The following UGT1A10 variants were observed in gnomAD, a reference collection of about 807,000 sequenced individuals.
UGT1A10 encodes the protein UDP-glucuronosyltransferase 1A10.
Under a neutral mutation model 45.8 loss-of-function variants are expected in UGT1A10, and 49 were observed. The ratio of observed to expected loss-of-function variants is 1.07; its 90% CI spans 0.85 to 1.36. The LOEUF (loss-of-function observed/expected upper bound fraction) is 1.36. UGT1A10 is among the 40% of genes most tolerant of loss of function. The pLI is 0.00. For missense variants in UGT1A10, 745 were observed against 668.6 expected (o/e 1.11, Z -1.26); for synonymous variants, 284 against 249.7 (o/e 1.14, Z -1.29).
intron 1 of UGT1A10, among the ~76,000 whole-genome samples, chr2:233,686,494 G>C (rs2074791864): frequency 6.6e-6 from 1 of 152,058 alleles, no homozygotes; most frequent in Non-Finnish European, 1.5e-5. Flanking sequence ...TTTCTGAACA[G>C]GTGAGCCCAG....
At chr2:233,689,976 G>A (rs1450034363) in intron 1 of UGT1A10, 1 of 453,954 alleles carries the variant, frequency 2.2e-6, no homozygotes, top group East Asian at 7.0e-5. Context: ...GAACCCACAG[G>A]CCCCTAAAAG....
At chr2:233,717,863 T>C (rs1490310722) in intron 1 of UGT1A10, 3 of 454,794 alleles carry the variant, frequency 6.6e-6, no homozygotes, top group East Asian at 6.9e-5. Flanking sequence ...TGGTGCTGGA[T>C]TGACTTGGAG....
chr2:233,640,714 G>A (rs2073428528), intron 1 of UGT1A10, among the ~76,000 whole-genome samples: 1 of 152,148 alleles, frequency 6.6e-6, no homozygotes, highest in East Asian at 1.9e-4. Context: ...GGCCAACCCA[G>A]GGATCTAGGT....
At position 233,693,375 on chromosome 2, in the gene UGT1A10, T is replaced by A. The variant is rs372477458; in HGVS notation, c.855+55998T>A. Reference sequence around the variant, plus strand: ...ATGATTGTTATTGGCCTGTACTTCATCAACTGCCAGAGCCTCCTGCAGGAC... The same window carrying A: ...ATGATTGTTATTGGCCTGTACTTCAACAACTGCCAGAGCCTCCTGCAGGAC... On this transcript the variant is annotated intron_variant, in intron 1 of 4. Coordinates refer to ENST00000344644, the MANE Select transcript of UGT1A10 (RefSeq NM_019075.4). 1.2e-4 allele frequency: 199 copies of A among 1,614,066 alleles called. No individual in the cohort carries two copies. Among genetic ancestry groups the A allele is most frequent in the Non-Finnish European group, 1.6e-4 (194 of 1,180,050 alleles).
In UGT1A10 at chr2:233,743,685, T is replaced by C. The variant is rs192235508; in HGVS notation, c.856-23349T>C. The C allele has an allele frequency of 2.3e-3, 3,085 of 1,367,218 alleles. 13 individuals carry two copies. The highest frequency in any genetic ancestry group is 0.017 in the Middle Eastern group (80 of 4,768). The allele number at this position is 1,367,218 out of a possible 1,614,324, so 84.7% of individuals were successfully genotyped here. A position where few individuals can be genotyped will look rare whatever the true frequency, so the allele number is the denominator to read the frequency against. On this transcript the variant is annotated intron_variant, in intron 1 of 4. Coordinates refer to ENST00000344644, the MANE Select transcript of UGT1A10 (RefSeq NM_019075.4). ...GGGTCCTCGAAGGGCCTGCCGCCTG[T>C]GCAGCCGCCCTCCGCCCCCGCCTCG...
chr2:233,649,047 C>T, intron 1 of UGT1A10: 1 of 1,054,292 alleles, frequency 9.5e-7, no homozygotes, highest in South Asian at 2.5e-5. Flanking sequence ...GCTCCTTTAG[C>T]ACATTAAAAG....
Position 233,674,661 on chromosome 2 carries a change from T to A in UGT1A10, c.855+37284T>A, listed in dbSNP as rs186446222. Reference sequence around the variant, plus strand: ...GATTATAAATATCTTTTATGAGATATGAAATAAATGTGTTTATGTGTCTAT... The same window carrying A: ...GATTATAAATATCTTTTATGAGATAAGAAATAAATGTGTTTATGTGTCTAT... On this transcript the variant is annotated intron_variant, in intron 1 of 4. Transcript: ENST00000344644. Among the ~76,000 whole-genome samples the A allele has an allele frequency of 2.6e-5, 4 of 152,304 alleles. No individual in the cohort carries two copies. The East Asian group carries it at 7.7e-4, about 29-fold the overall frequency.
chr2:233,659,025 C>T (rs28969995), intron 1 of UGT1A10, among the ~76,000 whole-genome samples: 1,732 of 152,256 alleles, frequency 0.011, 43 homozygotes, highest in African/African-American at 0.039. Flanking sequence ...AGTTACAGTT[C>T]AACTGGGGAG....
intron 1 of UGT1A10, among the ~76,000 whole-genome samples, chr2:233,649,184 G>A (rs1218690125): frequency 2.0e-5 from 3 of 152,194 alleles, no homozygotes; most frequent in Non-Finnish European, 1.5e-5. Flanking sequence ...TTGTTGGTTA[G>A]CAACTTTTAT....
chr2:233,665,375 C>G (rs1199976046), intron 1 of UGT1A10, among the ~76,000 whole-genome samples: 4 of 152,200 alleles, frequency 2.6e-5, no homozygotes, highest in African/African-American at 9.6e-5. Context: ...ATATTCGTAG[C>G]CTCTGATGAA....
At chr2:233,682,742 A>G (rs774087755) in intron 1 of UGT1A10, 3 of 1,613,950 alleles carry the variant, frequency 1.9e-6, no homozygotes, top group Non-Finnish European at 2.5e-6. Flanking sequence ...GATGCCCAAT[A>G]TGATCTTCAT....
Position 233,743,742 on chromosome 2 carries a change from C to A in UGT1A10, c.856-23292C>A, listed in dbSNP as rs377755645. 6 of 1,367,276 alleles carry A rather than the reference C, an allele frequency of 4.4e-6. No individual in the cohort carries two copies. The Admixed American group carries it at 1.1e-4, about 26-fold the overall frequency. The allele number at this position is 1,367,276 out of a possible 1,614,324, so 84.7% of individuals were successfully genotyped here. ...CGGTCATAGATATCGCGTTTCTTGG[C>A]GTCCGACAACACCTCGTAGGCCTCG... On this transcript the variant is annotated intron_variant, in intron 1 of 4. Coordinates refer to ENST00000344644, the MANE Select transcript of UGT1A10 (RefSeq NM_019075.4).
intron 1 of UGT1A10, among the ~76,000 whole-genome samples, chr2:233,724,353 C>A (rs2077234748): frequency 2.0e-5 from 3 of 148,046 alleles, no homozygotes; most frequent in South Asian, 4.5e-4. Flanking sequence ...CCCCCCACCT[C>A]CCTCCCGGAC....
intron 1 of UGT1A10, chr2:233,713,735 T>C: frequency 6.2e-7 from 1 of 1,613,944 alleles, no homozygotes; most frequent in African/African-American, 1.3e-5. Context: ...TGGTGGATCT[T>C]GTCAGCCATG....
At chr2:233,644,322 C>A (rs183551292) in intron 1 of UGT1A10, among the ~76,000 whole-genome samples, 10 of 152,276 alleles carry the variant, frequency 6.6e-5, no homozygotes, top group Admixed American at 6.5e-4. Context: ...AATCCCAGCA[C>A]TTAGGGAGGC....
chr2:233,769,857 C>CAAAA lies in UGT1A10; in HGVS notation c.1295+1432_1295+1435dup. The CAAAA allele has an allele frequency of 4.0e-5, 9 of 223,646 alleles. No individual in the cohort carries two copies. The highest frequency in any genetic ancestry group is 1.1e-4 in the South Asian group (1 of 9,102). The allele number at this position is 223,646 out of a possible 1,614,324, so 13.9% of individuals were successfully genotyped here. On this transcript the variant is annotated intron_variant, in intron 4 of 4. Coordinates refer to ENST00000344644, the MANE Select transcript of UGT1A10 (RefSeq NM_019075.4). The surrounding 1 kb of genome is among the most constrained non-coding windows in gnomAD (Gnocchi z 4.4). ...TGGGCAACAGAGTGAGACCCTGTCTCAAAAAAAAAAAAAAAAATGAAAAGT... is the reference window on the plus strand; with the variant it reads ...TGGGCAACAGAGTGAGACCCTGTCTCAAAAAAAAAAAAAAAAAAAAATGAAAAGT...
chr2:233,732,017 G>A (rs1379016556), intron 1 of UGT1A10, among the ~76,000 whole-genome samples: 2 of 152,178 alleles, frequency 1.3e-5, no homozygotes. Flanking sequence ...GTTTTGATTT[G>A]CATTTCTCTG....
chr2:233,681,219 C>T (rs2074514463), intron 1 of UGT1A10, among the ~76,000 whole-genome samples: 1 of 151,902 alleles, frequency 6.6e-6, no homozygotes, highest in Non-Finnish European at 1.5e-5. Flanking sequence ...TCTTTCTGGG[C>T]AGAGGACAAA....
chr2:233,725,063 TGCAATCG>T (rs2077358675), intron 1 of UGT1A10, among the ~76,000 whole-genome samples: 2 of 146,678 alleles, frequency 1.4e-5, no homozygotes, highest in African/African-American at 5.1e-5. Flanking sequence ...GGCGCGCGCC[TGCAATCG>T]CAGGCACTCG....
Sources: gnomAD v4.1 joint callset for allele counts (sites outside exome capture counted in the v4.1 genomes callset) on GRCh38, gnomAD v4.1.1 for gene constraint, Gnocchi (gnomAD v3.1) non-coding constraint, MANE v1.5 for transcripts, NCBI Gene and HGNC (gene_info 2026-07-23, HGNC 2026-07-21) for gene names.